Variants in BMP2K observed in about 807,000 individuals in gnomAD.
The protein encoded by BMP2K is BMP-2-inducible protein kinase.
BMP2K carries 74 observed loss-of-function variants against 116.0 expected under a neutral mutation model. The ratio of observed to expected loss-of-function variants is 0.64; its 90% CI spans 0.53 to 0.77. BMP2K has a LOEUF of 0.77. Among genes scored for constraint, BMP2K ranks in the 30% least tolerant of loss-of-function variants. The probability of loss-of-function intolerance (pLI) is 0.00; values close to 1 mark genes in which losing one functional copy is unlikely to be tolerated. For missense variants in BMP2K, 1,365 were observed against 1,403.6 expected (o/e 0.97, Z 0.44); for synonymous variants, 486 against 502.5 (o/e 0.97, Z 0.44).
intron 15 of BMP2K, among the ~76,000 whole-genome samples, chr4:78,906,461 T>C (rs1017263771): frequency 2.0e-5 from 3 of 152,192 alleles, no homozygotes; most frequent in Non-Finnish European, 4.4e-5. Context: ...AAAGGTGGTA[T>C]AGATGATTGT....
chr4:78,780,764 T>A (rs1727466385), intron 1 of BMP2K, among the ~76,000 whole-genome samples: 1 of 152,210 alleles, frequency 6.6e-6, no homozygotes, highest in Non-Finnish European at 1.5e-5. Flanking sequence ...TCTTCTGGCC[T>A]ATGAAACTTA....
Position 78,847,089 on chromosome 4 carries a change from G to T in BMP2K, c.669-99G>T. ...CTATATAATGTTATTGAACCTAAAA[G>T]ACTTTTTTTGTAGTGTTTTATGTAG... On this transcript the variant is annotated intron_variant, in intron 5 of 15. Coordinates refer to ENST00000502613, the MANE Select transcript of BMP2K (RefSeq NM_198892.2). The T allele has an allele frequency of 1.0e-5, 6 of 600,246 alleles. No individual in the cohort carries two copies. The East Asian group carries it at 1.9e-4, about 19-fold the overall frequency. The allele number at this position is 600,246 out of a possible 1,614,324, so 37.2% of individuals were successfully genotyped here.
intron 1 of BMP2K, among the ~76,000 whole-genome samples, chr4:78,811,196 C>T (rs1729072513): frequency 6.6e-6 from 1 of 152,072 alleles, no homozygotes; most frequent in Non-Finnish European, 1.5e-5. Context: ...TGTAGGGATA[C>T]TTTAGATTAC....
intron 13 of BMP2K, among the ~76,000 whole-genome samples, chr4:78,874,202 A>AC (rs1732526718): frequency 2.0e-5 from 3 of 148,188 alleles, no homozygotes; most frequent in South Asian, 4.3e-4. Flanking sequence ...CACACACACA[A>AC]AAAGTTCAGA....
rs17003476 is a variant in BMP2K, at chr4:78,872,742, T to G, written c.1737T>G (p.Thr579=). The change falls in exon 13 of 16, where the codon ACT becomes ACG. Residue 579 remains threonine, a synonymous_variant. Coordinates refer to ENST00000502613, the MANE Select transcript of BMP2K (RefSeq NM_198892.2). ...TCTCACCAGCCTTAGTTTCCTACAC[T>G]TCATCACTTCCAGCTCAGGTTGGAA... The part of the protein sequence containing the change: ...QEFSPALVSY[T]SSLPAQVGTI... 2 of 1,614,124 alleles carry G rather than the reference T, an allele frequency of 1.2e-6. No homozygotes were observed. The highest frequency in any genetic ancestry group is 1.7e-5 in the Admixed American group (1 of 60,022).
chr4:78,847,405 TG>T, intron 6 of BMP2K, 136 bp downstream of exon 6: 1 of 427,202 alleles, frequency 2.3e-6, no homozygotes, highest in East Asian at 4.0e-5. Flanking sequence ...GCTTCTTACT[TG>T]GGAGAAGAAA....
intron 9 of BMP2K, 72 bp downstream of exon 9, chr4:78,861,540 T>C: frequency 8.3e-7 from 1 of 1,205,162 alleles, no homozygotes; most frequent in Non-Finnish European, 1.2e-6. Context: ...TCCTAGCAAG[T>C]GTAATTGATT....
At chr4:78,853,887 A>C (rs945083318) in intron 7 of BMP2K, among the ~76,000 whole-genome samples, 1 of 152,174 alleles carries the variant, frequency 6.6e-6, no homozygotes. Context: ...ACTACTCTTG[A>C]TATCAATATT....
Position 78,911,742 on chromosome 4 carries a change from G to A in BMP2K, c.3195G>A (p.Leu1065=). The change falls in exon 16 of 16, where the codon CTG becomes CTA. Residue 1065 remains leucine (L), a synonymous_variant. Transcript: ENST00000502613. ...RGNVLQPEES[L]LDPFGAKPFH... ...ATGTCTTACAACCTGAGGAGAGCCT[G>A]TTGGACCCCTTCGGTGCCAAGCCCT... 6.2e-6 allele frequency: 10 copies of A among 1,613,958 alleles called. No homozygotes were observed. The highest frequency in any genetic ancestry group is 8.5e-6 in the Non-Finnish European group (10 of 1,179,884).
At chr4:78,829,266 A>G (rs914505592) in intron 2 of BMP2K, among the ~76,000 whole-genome samples, 4 of 152,232 alleles carry the variant, frequency 2.6e-5, no homozygotes, top group African/African-American at 9.7e-5. Context: ...TATTATTTCA[A>G]CAGTGTTCTC....
chr4:78,813,819 C>T (rs575643704), intron 1 of BMP2K, among the ~76,000 whole-genome samples: 3 of 152,182 alleles, frequency 2.0e-5, no homozygotes, highest in Admixed American at 6.5e-5. Context: ...CAGGACTTAC[C>T]GTTGTCTTCT....
chr4:78,828,080 T>A (rs559125975), intron 2 of BMP2K, among the ~76,000 whole-genome samples: 1 of 152,242 alleles, frequency 6.6e-6, no homozygotes, highest in East Asian at 1.9e-4. Context: ...CCATCCTCAA[T>A]CTGTGTGGGC....
At chr4:78,888,656 T>C (rs931187853) in intron 15 of BMP2K, among the ~76,000 whole-genome samples, 1 of 152,202 alleles carries the variant, frequency 6.6e-6, no homozygotes, top group African/African-American at 2.4e-5. Flanking sequence ...TGGACACCCT[T>C]ATTTGGAGGT....
In BMP2K at chr4:78,911,096, C is replaced by T. The variant is rs752565823; in HGVS notation, c.2549C>T (p.Thr850Ile). Residue 850 changes from threonine (T) to isoleucine (I), a missense_variant, in exon 16 of 16, where the codon ACT (threonine) becomes ATT (isoleucine). Physicochemically the swap from Thr to Ile is moderately conservative, Grantham distance 89. Transcript: ENST00000502613. ...AQLSSDVAVE[T>I]PKQEFDVFGA... The stretch of plus-strand genomic sequence containing the variant: ...TTATCCTCTGATGTTGCAGTGGAGA[C>T]TCCCAAACAGGAGTTTGATGTATTT... The T allele has an allele frequency of 9.9e-6, 16 of 1,613,892 alleles. No homozygotes were observed. Among genetic ancestry groups the T allele is most frequent in the African/African-American group, 1.3e-5 (1 of 74,938 alleles).
chr4:78,877,540 A>G lies in BMP2K; in HGVS notation c.1794-1194A>G, dbSNP rs192590241. 4.6e-5 allele frequency among the ~76,000 whole-genome samples: 7 copies of G among 152,304 alleles called. No individual in the cohort carries two copies. The East Asian group carries it at 1.3e-3, about 29-fold the overall frequency. ...TCTCACTGCAAGTTCTTTAGGGGCA[A>G]TAACAGGCATGGAGCTGTCATCTCC... is the stretch of plus-strand genomic sequence containing the variant. On this transcript the variant is annotated intron_variant, in intron 13 of 15. Coordinates refer to ENST00000502613, the MANE Select transcript of BMP2K (RefSeq NM_198892.2).
intron 6 of BMP2K, among the ~76,000 whole-genome samples, chr4:78,847,774 A>G (rs1176746033): frequency 6.6e-6 from 1 of 151,740 alleles, no homozygotes; most frequent in Admixed American, 6.6e-5. Context: ...AATTACTGAG[A>G]TAGACCATAT....
chr4:78,862,777 A>G (rs1466325659), intron 9 of BMP2K, among the ~76,000 whole-genome samples: 2 of 152,230 alleles, frequency 1.3e-5, no homozygotes, highest in Non-Finnish European at 1.5e-5. Flanking sequence ...AAATATCTTC[A>G]TTCACTTGAA....
At chr4:78,894,297 T>C (rs757734036) in intron 15 of BMP2K, among the ~76,000 whole-genome samples, 4 of 152,234 alleles carry the variant, frequency 2.6e-5, no homozygotes, top group Non-Finnish European at 5.9e-5. Context: ...GCTCTAAAAG[T>C]CCTAGATGGC....
At chr4:78,850,593 T>C (rs976669499) in intron 6 of BMP2K, among the ~76,000 whole-genome samples, 3 of 151,898 alleles carry the variant, frequency 2.0e-5, no homozygotes, top group East Asian at 3.9e-4. Context: ...CTTTATACTT[T>C]GTTGGTTATA....
Sources: allele counts gnomAD v4.1 joint callset (sites outside exome capture counted in the v4.1 genomes callset), GRCh38; gene constraint gnomAD v4.1.1; transcripts MANE v1.5; gene names NCBI Gene and HGNC (gene_info 2026-07-23, HGNC 2026-07-21).